The following NFIB variants were observed in gnomAD, a reference collection of about 807,000 sequenced individuals.
The protein encoded by NFIB is nuclear factor I B, also known as nuclear factor 1 B-type.
Under a neutral mutation model 61.5 loss-of-function variants are expected in NFIB, and 11 were observed. The ratio of observed to expected loss-of-function variants is 0.18; its 90% CI spans 0.11 to 0.30. NFIB has a LOEUF of 0.30. NFIB is among the 10% of genes least tolerant of loss of function. The probability of loss-of-function intolerance (pLI) is 1.00; values close to 1 mark genes in which losing one functional copy is unlikely to be tolerated. For synonymous variants in NFIB, 260 were observed against 216.5 expected (o/e 1.20, Z -1.76); for missense variants, 471 against 608.9 (o/e 0.77, Z 2.38).
intron 2 of NFIB, among the ~76,000 whole-genome samples, chr9:14,286,718 T>C (rs1468754330): frequency 6.6e-6 from 1 of 152,130 alleles, no homozygotes; most frequent in Admixed American, 6.5e-5. Context: ...TTCTCTATAT[T>C]GCAATTTTAG....
At chr9:14,381,249 T>G (rs2061485833) in intron 1 of NFIB, among the ~76,000 whole-genome samples, 1 of 152,002 alleles carries the variant, frequency 6.6e-6, no homozygotes, top group Non-Finnish European at 1.5e-5. Context: ...TGGAGTGCAG[T>G]GGTGCAGTCT....
At position 14,243,853 on chromosome 9, in the gene NFIB, G is replaced by A. The variant is rs528702219; in HGVS notation, c.562+63136C>T. On this transcript the variant is annotated intron_variant, in intron 2 of 10. Transcript: ENST00000380953. ...GCTCAAGCCAGGATCCTTGCTGCTGGAGGGTTTCCTGCACAAGGGCTAGCT... is the reference window on the plus strand; with the variant it reads ...GCTCAAGCCAGGATCCTTGCTGCTGAAGGGTTTCCTGCACAAGGGCTAGCT... 8.5e-5 allele frequency among the ~76,000 whole-genome samples: 13 copies of A among 152,290 alleles called. No homozygotes were observed. The East Asian group carries it at 2.3e-3, about 27-fold the overall frequency.
At chr9:14,180,139 A>T (rs1011936694) in intron 2 of NFIB, among the ~76,000 whole-genome samples, 1 of 152,194 alleles carries the variant, frequency 6.6e-6, no homozygotes, top group Non-Finnish European at 1.5e-5. Context: ...ATTCTCTTAA[A>T]AATGCAATCT....
At chr9:14,530,598 C>G in the NFIB span, among the ~76,000 whole-genome samples, 1 of 152,140 alleles carries the variant, frequency 6.6e-6, no homozygotes, top group Non-Finnish European at 1.5e-5. Context: ...GAACGTTGAG[C>G]TTTCACGAGA....
chr9:14,512,780 C>G, the NFIB span, among the ~76,000 whole-genome samples: 21 of 151,722 alleles, frequency 1.4e-4, no homozygotes, highest in Non-Finnish European at 1.5e-5. Context: ...TCCTACCTCC[C>G]GTCTTTCTTT....
intron 7 of NFIB, among the ~76,000 whole-genome samples, chr9:14,122,282 A>G (rs2039044428): frequency 6.6e-6 from 1 of 152,182 alleles, no homozygotes; most frequent in Admixed American, 6.5e-5. Context: ...TAGAAAAAAC[A>G]TAAATTCAAT....
At chr9:14,246,965 ATCTC>A (rs148026880) in intron 2 of NFIB, among the ~76,000 whole-genome samples, 2 of 150,670 alleles carry the variant, frequency 1.3e-5, no homozygotes, top group African/African-American at 2.4e-5. Flanking sequence ...AATGTGCCTG[ATCTC>A]TCTCTCTCTC....
intron 2 of NFIB, among the ~76,000 whole-genome samples, chr9:14,192,586 G>A (rs952488643): frequency 6.6e-6 from 1 of 152,172 alleles, no homozygotes; most frequent in Non-Finnish European, 1.5e-5. Flanking sequence ...TTTGGAGGGT[G>A]GGAAGAAAGG....
At chr9:14,153,072 A>T (rs1456025842) in intron 4 of NFIB, among the ~76,000 whole-genome samples, 1 of 152,178 alleles carries the variant, frequency 6.6e-6, no homozygotes, top group Non-Finnish European at 1.5e-5. Context: ...TTGAGATGAC[A>T]GATATCCTAA....
At chr9:14,229,747 A>G (rs1377851475) in intron 2 of NFIB, among the ~76,000 whole-genome samples, 5 of 152,088 alleles carry the variant, frequency 3.3e-5, no homozygotes, top group Admixed American at 3.3e-4. Context: ...TGAGCCAACC[A>G]TCTTAGACCT....
At chr9:14,211,207 T>C (rs1274456181) in intron 2 of NFIB, among the ~76,000 whole-genome samples, 1 of 152,212 alleles carries the variant, frequency 6.6e-6, no homozygotes, top group African/African-American at 2.4e-5. Context: ...AAAAATAGTT[T>C]TTCTGTGTGA....
At chr9:14,146,628 A>G in intron 6 of NFIB, 61 bp downstream of exon 6, 11 of 1,610,282 alleles carry the variant, frequency 6.8e-6, no homozygotes, top group Non-Finnish European at 9.3e-6. Flanking sequence ...GACTCAACGA[A>G]ACTTAAGAAA....
intron 1 of NFIB, among the ~76,000 whole-genome samples, chr9:14,360,790 C>A (rs906670604): frequency 6.6e-6 from 1 of 151,964 alleles, no homozygotes; most frequent in Admixed American, 6.6e-5. Context: ...GTCATCCGCC[C>A]GCCTGGGCCT....
At chr9:14,302,273 T>C (rs2059789637) in intron 2 of NFIB, among the ~76,000 whole-genome samples, 1 of 152,224 alleles carries the variant, frequency 6.6e-6, no homozygotes, top group Non-Finnish European at 1.5e-5. Context: ...TCAGTAACTG[T>C]AGGAAGAAAA....
intron 8 of NFIB, 67 bp from the exon 9 acceptor site, chr9:14,116,413 A>G: frequency 7.1e-7 from 1 of 1,402,834 alleles, no homozygotes; most frequent in East Asian, 2.7e-5. Context: ...CAACAAGTCC[A>G]CTCAGCACAC....
At chr9:14,089,973 C>T (rs2033607636) in intron 10 of NFIB, among the ~76,000 whole-genome samples, 1 of 152,114 alleles carries the variant, frequency 6.6e-6, no homozygotes, top group African/African-American at 2.4e-5. Context: ...AGACTACAAA[C>T]TCAATGACAG....
chr9:14,317,435 G>A (rs1404255784), upstream of NFIB: 1 of 152,254 alleles, frequency 6.6e-6, no homozygotes, highest in South Asian at 2.1e-4. Context: ...ACGTTTGAGG[G>A]TGCTTATGGC....
chr9:14,261,772 CA>C (rs1268401121), intron 2 of NFIB, among the ~76,000 whole-genome samples: 3 of 152,164 alleles, frequency 2.0e-5, no homozygotes, highest in African/African-American at 7.2e-5. Flanking sequence ...TGGTTTGTGA[CA>C]AATGTCTGTC....
intron 2 of NFIB, among the ~76,000 whole-genome samples, chr9:14,211,797 T>C (rs1346962543): frequency 6.6e-6 from 1 of 152,254 alleles, no homozygotes; most frequent in Non-Finnish European, 1.5e-5. Flanking sequence ...GTATAGCATA[T>C]TGTTATTAAA....
Sources: gnomAD v4.1 joint callset for allele counts (sites outside exome capture counted in the v4.1 genomes callset) on GRCh38, gnomAD v4.1.1 for gene constraint, MANE v1.5 for transcripts, NCBI Gene and HGNC (gene_info 2026-07-23, HGNC 2026-07-21) for gene names.